The following CALN1 variants were observed in gnomAD, a reference collection of about 807,000 sequenced individuals.
CALN1 encodes the protein calcium-binding protein 8.
In CALN1, 17 loss-of-function variants were observed where a neutral mutation model predicts 30.6. The observed-to-expected ratio is 0.56, with a 90% confidence interval of 0.38 to 0.83. The LOEUF is 0.83. Ranked by LOEUF, CALN1 falls within the 40% of genes least tolerant of loss-of-function variation. CALN1 has a pLI of 0.00. For missense variants in CALN1, 291 were observed against 354.9 expected (o/e 0.82, Z 1.45); for synonymous variants, 156 against 131.4 (o/e 1.19, Z -1.28).
chr7:72,276,742 G>A (rs1459447051), intron 3 of CALN1, among the ~76,000 whole-genome samples: 2 of 152,048 alleles, frequency 1.3e-5, no homozygotes, highest in African/African-American at 4.8e-5. Flanking sequence ...ACAGCATGAA[G>A]GCCCTCACCA....
chr7:72,499,466 C>T, the CALN1 span, among the ~76,000 whole-genome samples: 4 of 152,022 alleles, frequency 2.6e-5, no homozygotes, highest in South Asian at 8.3e-4. Flanking sequence ...TGAACTAATT[C>T]CTCATTATGA....
At chr7:71,905,860 T>C (rs890392518) in intron 5 of CALN1, among the ~76,000 whole-genome samples, 4 of 152,114 alleles carry the variant, frequency 2.6e-5, no homozygotes, top group African/African-American at 9.7e-5. Flanking sequence ...GAGGTTTAAT[T>C]GACTCACAGT....
At chr7:72,010,866 G>GA (rs1332116415) in intron 5 of CALN1, among the ~76,000 whole-genome samples, 2 of 149,410 alleles carry the variant, frequency 1.3e-5, no homozygotes, top group African/African-American at 4.9e-5. Flanking sequence ...GAAAGGAAAG[G>GA]AAAATTAGCC....
intron 5 of CALN1, among the ~76,000 whole-genome samples, chr7:71,970,311 C>A (rs1379112449): frequency 6.6e-6 from 1 of 152,162 alleles, no homozygotes; most frequent in African/African-American, 2.4e-5. Context: ...TCCTTCCAAT[C>A]CCAAGACTTA....
chr7:72,312,940 T>C (rs1443435255), intron 2 of CALN1, among the ~76,000 whole-genome samples: 2 of 152,078 alleles, frequency 1.3e-5, no homozygotes, highest in Non-Finnish European at 2.9e-5. Flanking sequence ...GTTCAAATGA[T>C]TCTCCTGCCT....
chr7:72,299,887 T>C (rs933568201), intron 2 of CALN1, among the ~76,000 whole-genome samples: 2 of 151,766 alleles, frequency 1.3e-5, no homozygotes, highest in African/African-American at 2.4e-5. Context: ...TTTTGTTTTG[T>C]TTTGTTTTTT....
At chr7:72,084,401 T>G (rs78179957) in intron 4 of CALN1, among the ~76,000 whole-genome samples, 1 of 150,552 alleles carries the variant, frequency 6.6e-6, no homozygotes, top group African/African-American at 2.5e-5. Context: ...TTTTTTTTTT[T>G]TCTGGCATGC....
intron 2 of CALN1, among the ~76,000 whole-genome samples, chr7:72,383,280 G>A (rs866319614): frequency 2.0e-5 from 3 of 152,168 alleles, no homozygotes; most frequent in African/African-American, 7.2e-5. Flanking sequence ...TCTATATTCT[G>A]TAATGAGGCT....
At chr7:72,300,353 G>C (rs1211107490) in intron 2 of CALN1, among the ~76,000 whole-genome samples, 1 of 151,304 alleles carries the variant, frequency 6.6e-6, no homozygotes, top group Admixed American at 6.6e-5. Flanking sequence ...TCTGTCCTGA[G>C]ATGTAGCCAA....
intron 3 of CALN1, among the ~76,000 whole-genome samples, chr7:72,171,922 A>G (rs1788999656): frequency 6.6e-6 from 1 of 152,190 alleles, no homozygotes; most frequent in African/African-American, 2.4e-5. Flanking sequence ...TTAAAGGCAA[A>G]GAAACTGGGG....
rs181210367 is a variant in CALN1, at chr7:71,819,265, G to C, written c.502-8773C>G. On this transcript the variant is annotated intron_variant, in intron 5 of 6. Coordinates refer to ENST00000395275, the MANE Select transcript of CALN1 (RefSeq NM_031468.4). ...CTCTTGCTCCCCAGGCTGGAGTGCA[G>C]TGGTGCGATCTTGGCTCACTGCAAC... 3.6e-3 allele frequency among the ~76,000 whole-genome samples: 546 copies of C among 149,780 alleles called. 4 individuals are homozygous for C. The highest frequency in any genetic ancestry group is 0.012 in the African/African-American group (507 of 40,648).
intron 2 of CALN1, among the ~76,000 whole-genome samples, chr7:72,386,911 G>A (rs758583883): frequency 5.3e-5 from 8 of 151,868 alleles, no homozygotes; most frequent in Non-Finnish European, 8.8e-5. Flanking sequence ...ATAGATATGT[G>A]TACATACATA....
chr7:71,994,034 T>C (rs964782428), intron 5 of CALN1, among the ~76,000 whole-genome samples: 9 of 152,142 alleles, frequency 5.9e-5, no homozygotes, highest in Non-Finnish European at 7.3e-5. Context: ...AATGGAATAA[T>C]ATTTTCAGAT....
intron 2 of CALN1, among the ~76,000 whole-genome samples, chr7:72,301,323 G>A (rs1313782323): frequency 6.6e-6 from 1 of 151,820 alleles, no homozygotes; most frequent in African/African-American, 2.4e-5. Flanking sequence ...TTAAAAGCAA[G>A]CAGGCCGGGC....
chr7:72,063,725 C>A (rs1803824702), intron 4 of CALN1, among the ~76,000 whole-genome samples: 7 of 152,162 alleles, frequency 4.6e-5, no homozygotes. Context: ...GCTAAACAAT[C>A]TGAAACATTT....
At chr7:72,026,352 G>C (rs1335098926) in intron 4 of CALN1, among the ~76,000 whole-genome samples, 1 of 152,196 alleles carries the variant, frequency 6.6e-6, no homozygotes, top group South Asian at 2.1e-4. Flanking sequence ...TTGGGAGGCC[G>C]AGGCAGGTGG....
At chr7:72,111,427 C>T (rs902204250) in intron 3 of CALN1, among the ~76,000 whole-genome samples, 14 of 152,144 alleles carry the variant, frequency 9.2e-5, no homozygotes, top group Admixed American at 7.9e-4. Context: ...TCCTGTTATT[C>T]AGCCCAAGAG....
intron 3 of CALN1, among the ~76,000 whole-genome samples, chr7:72,185,896 A>C (rs1790153452): frequency 6.6e-6 from 1 of 152,124 alleles, no homozygotes. Context: ...TGGAACTGTA[A>C]TTTCAATTAA....
chr7:72,365,691 A>G (rs1029765925), intron 2 of CALN1, among the ~76,000 whole-genome samples: 2 of 152,282 alleles, frequency 1.3e-5, no homozygotes, highest in Admixed American at 6.5e-5. Context: ...TCAGCCTCCC[A>G]AAGTGCTGGG....
Sources: allele counts gnomAD v4.1 joint callset (sites outside exome capture counted in the v4.1 genomes callset), GRCh38; gene constraint gnomAD v4.1.1; transcripts MANE v1.5; gene names NCBI Gene and HGNC (gene_info 2026-07-23, HGNC 2026-07-21).